The following LAMA2 variants were observed in gnomAD, a reference collection of about 807,000 sequenced individuals.
The protein encoded by LAMA2 is laminin subunit alpha 2.
In LAMA2, 269 loss-of-function variants were observed where a neutral mutation model predicts 364.8. That is an observed-to-expected ratio of 0.74 (90% CI 0.67 to 0.82). The LOEUF (loss-of-function observed/expected upper bound fraction) is 0.82, where lower values mean the gene tolerates loss of function less well. LAMA2 is among the 40% of genes least tolerant of loss of function. The probability of loss-of-function intolerance (pLI) is 0.00; values close to 1 mark genes in which losing one functional copy is unlikely to be tolerated. For missense variants in LAMA2, 3,807 were observed against 3,873.2 expected (o/e 0.98, Z 0.45); for synonymous variants, 1,379 against 1,370.6 (o/e 1.01, Z -0.14).
intron 1 of LAMA2, among the ~76,000 whole-genome samples, chr6:128,917,503 A>G (rs1211955777): frequency 2.0e-5 from 3 of 152,074 alleles, no homozygotes; most frequent in Non-Finnish European, 4.4e-5. Context: ...TGTTTGCTTC[A>G]GGACTTACAT....
intron 3 of LAMA2, among the ~76,000 whole-genome samples, chr6:129,097,874 A>G (rs1220269897): frequency 6.6e-6 from 1 of 152,208 alleles, no homozygotes; most frequent in East Asian, 1.9e-4. Flanking sequence ...TAAATGTTTT[A>G]GGTGGTAATA....
chr6:129,038,124 T>C (rs577649028), intron 1 of LAMA2, among the ~76,000 whole-genome samples: 1 of 152,308 alleles, frequency 6.6e-6, no homozygotes, highest in East Asian at 1.9e-4. Flanking sequence ...ATGGAAATTT[T>C]CACTGTGAAA....
intron 61 of LAMA2, among the ~76,000 whole-genome samples, chr6:129,505,721 G>A (rs995778101): frequency 6.6e-6 from 1 of 151,852 alleles, no homozygotes; most frequent in South Asian, 2.1e-4. Flanking sequence ...TAATAGAGAC[G>A]GGGGGTTTCA....
chr6:129,018,678 C>T (rs1476825230), intron 1 of LAMA2, among the ~76,000 whole-genome samples: 1 of 151,978 alleles, frequency 6.6e-6, no homozygotes, highest in East Asian at 1.9e-4. Context: ...CTCAACTTGT[C>T]AATTTTTAAT....
chr6:129,039,765 A>G (rs952127489), intron 1 of LAMA2, among the ~76,000 whole-genome samples: 1 of 152,178 alleles, frequency 6.6e-6, no homozygotes, highest in African/African-American at 2.4e-5. Context: ...GATCCCTCGC[A>G]TGCACAGTTC....
chr6:129,105,676 G>T (rs538927203), intron 4 of LAMA2, among the ~76,000 whole-genome samples: 86 of 152,252 alleles, frequency 5.6e-4, no homozygotes, highest in African/African-American at 2.0e-3. Flanking sequence ...CAACAAATGT[G>T]ATAGGTTTTG....
At chr6:129,486,793 C>T (rs1784609683) in intron 56 of LAMA2, among the ~76,000 whole-genome samples, 171 bp downstream of exon 56, 1 of 152,154 alleles carries the variant, frequency 6.6e-6, no homozygotes, top group Admixed American at 6.5e-5. Flanking sequence ...TCGGGAACCT[C>T]ATTTGCCTCA....
chr6:129,359,416 A>G (rs539750795), intron 32 of LAMA2, among the ~76,000 whole-genome samples: 1 of 151,750 alleles, frequency 6.6e-6, no homozygotes, highest in Admixed American at 6.6e-5. Flanking sequence ...TCTCTATTCA[A>G]AGAAATGACA....
At chr6:129,027,050 T>C (rs1041999305) in intron 1 of LAMA2, among the ~76,000 whole-genome samples, 1 of 152,090 alleles carries the variant, frequency 6.6e-6, no homozygotes, top group African/African-American at 2.4e-5. Flanking sequence ...GCAATACCTA[T>C]CTTTGGCTTA....
At chr6:129,482,006 G>T (rs935951069) in intron 55 of LAMA2, among the ~76,000 whole-genome samples, 1 of 152,152 alleles carries the variant, frequency 6.6e-6, no homozygotes, top group African/African-American at 2.4e-5. Context: ...GGATGTTAAA[G>T]CCTAAAGAAT....
rs1780789348 is a variant in LAMA2, at chr6:129,179,215, A to G, written c.1467+1349A>G. Among the ~76,000 whole-genome samples the G allele has an allele frequency of 2.0e-5, 3 of 152,018 alleles. No individual in the cohort carries two copies. The South Asian group carries it at 6.2e-4, about 32-fold the overall frequency. ...GTGCATCTTCTCTAGTATTTATCAA[A>G]ACATGTCTTGTGTGTGCTTTATTCT... On this transcript the variant is annotated intron_variant, in intron 10 of 64. Transcript: ENST00000421865.
At chr6:128,915,045 A>T (rs1373646342) in intron 1 of LAMA2, among the ~76,000 whole-genome samples, 1 of 152,192 alleles carries the variant, frequency 6.6e-6, no homozygotes, top group East Asian at 1.9e-4. Flanking sequence ...CTCTAATTGG[A>T]GCAGCTTGTT....
intron 23 of LAMA2, among the ~76,000 whole-genome samples, chr6:129,314,425 A>T (rs1358265096): frequency 6.8e-6 from 1 of 147,846 alleles, no homozygotes; most frequent in Admixed American, 6.8e-5. Context: ...AAAAAGTACA[A>T]TACCTTTAGT....
chr6:129,399,312 C>A (rs190189417), intron 37 of LAMA2, among the ~76,000 whole-genome samples: 167 of 152,220 alleles, frequency 1.1e-3, no homozygotes, highest in African/African-American at 3.8e-3. Context: ...TAAGCTAATT[C>A]TTCTCCAATT....
chr6:128,883,153 T>C lies in LAMA2; in HGVS notation c.-93T>C. The C allele has an allele frequency of 7.9e-7, 1 of 1,258,126 alleles. No individual in the cohort carries two copies. The allele number at this position is 1,258,126 out of a possible 1,614,324, so 77.9% of individuals were successfully genotyped here. On this transcript the variant is annotated 5_prime_UTR_variant, in exon 1 of 65. Transcript: ENST00000421865. ...CTGTCTCCTCCTCTTCCCCAGCAGC[T>C]GCTGCTCGCTCAGCTCACAAGCCAA...
In LAMA2 at chr6:129,264,355, T is replaced by C. The variant is rs139213675; in HGVS notation, c.2209-2751T>C. ...GATTGATCAGTTGGTTGTGGTGTCA[T>C]TTACTGAGCTGAGGAATAGTTGGTG... On this transcript the variant is annotated intron_variant, in intron 15 of 64. Coordinates refer to ENST00000421865, the MANE Select transcript of LAMA2 (RefSeq NM_000426.4). 2.5e-3 allele frequency among the ~76,000 whole-genome samples: 387 copies of C among 151,804 alleles called. 3 individuals carry two copies. The highest frequency in any genetic ancestry group is 8.9e-3 in the African/African-American group (368 of 41,414).
chr6:129,141,405 A>G (rs888473929), intron 4 of LAMA2, among the ~76,000 whole-genome samples: 5 of 152,070 alleles, frequency 3.3e-5, no homozygotes, highest in Non-Finnish European at 4.4e-5. Flanking sequence ...TGCATTAGAG[A>G]GGATTCAGTA....
At chr6:128,925,108 G>A (rs888416252) in intron 1 of LAMA2, among the ~76,000 whole-genome samples, 5 of 151,924 alleles carry the variant, frequency 3.3e-5, no homozygotes, top group Non-Finnish European at 7.4e-5. Flanking sequence ...CAGTATGGAG[G>A]GTCCTCAAAA....
chr6:129,192,303 C>T (rs9492268), intron 11 of LAMA2, among the ~76,000 whole-genome samples: 33,437 of 152,098 alleles, frequency 0.22, 4,825 homozygotes, highest in African/African-American at 0.42. Flanking sequence ...GTAAAAAATA[C>T]GGAACTGAAA....
Sources: allele counts gnomAD v4.1 joint callset (sites outside exome capture counted in the v4.1 genomes callset), GRCh38; gene constraint gnomAD v4.1.1; transcripts MANE v1.5; gene names NCBI Gene and HGNC (gene_info 2026-07-23, HGNC 2026-07-21).